Variants in BORCS5 observed in about 807,000 individuals in gnomAD.
BORCS5 encodes the protein BLOC-1 related complex subunit 5.
Under a neutral mutation model 22.1 loss-of-function variants are expected in BORCS5, and 17 were observed. The observed-to-expected ratio is 0.77, with a 90% confidence interval of 0.53 to 1.15. The LOEUF is 1.15. BORCS5 is among the 50% of genes most tolerant of loss of function. The pLI is 0.00. For missense variants in BORCS5, 247 were observed against 253.2 expected (o/e 0.98, Z 0.17); for synonymous variants, 117 against 99.8 (o/e 1.17, Z -1.03).
chr12:12,394,080 C>A (rs1941270529), intron 2 of BORCS5, among the ~76,000 whole-genome samples: 1 of 151,924 alleles, frequency 6.6e-6, no homozygotes, highest in Non-Finnish European at 1.5e-5. Context: ...AATTCCAGCA[C>A]TTTGGGAGGC....
Position 12,470,159 on chromosome 12 carries a change from C to T in BORCS5, c.*4383C>T, listed in dbSNP as rs1472979103. The stretch of plus-strand genomic sequence containing the variant: ...GATCTCGGCTCACTGCAACCTCCGC[C>T]TCCCGGGTTCAAGCAGTTATACTGT... On this transcript the variant is annotated 3_prime_UTR_variant, in exon 4 of 4. Transcript: ENST00000314565. Among the ~76,000 whole-genome samples the T allele has an allele frequency of 6.6e-6, 1 of 152,174 alleles. No homozygotes were observed. Among genetic ancestry groups the T allele is most frequent in the Non-Finnish European group, 1.5e-5 (1 of 68,034 alleles).
At position 12,465,847 on chromosome 12, in the gene BORCS5, A is replaced by T; in HGVS notation, c.*71A>T. ...CCTGAGGACGTGTGGAGCTAAGGTC[A>T]TATCATCTGACCAGGTCTGGAGGCT... is the stretch of plus-strand genomic sequence containing the variant. On this transcript the variant is annotated 3_prime_UTR_variant, in exon 4 of 4. Coordinates refer to ENST00000314565, the MANE Select transcript of BORCS5 (RefSeq NM_058169.6). 1 of 1,340,976 alleles carries T rather than the reference A, an allele frequency of 7.5e-7. No individual in the cohort carries two copies. Among genetic ancestry groups the T allele is most frequent in the East Asian group, 2.5e-5 (1 of 40,496 alleles). 83.1% of individuals were successfully genotyped at this position (1,340,976 alleles called of 1,614,324 possible). A position where few individuals can be genotyped will look rare whatever the true frequency, so the allele number is the denominator to read the frequency against.
intron 2 of BORCS5, among the ~76,000 whole-genome samples, chr12:12,413,108 C>CTTTTTTT (rs140916578): frequency 9.6e-5 from 2 of 20,740 alleles, no homozygotes; most frequent in Non-Finnish European, 2.1e-4. Context: ...GGTGATGACT[C>CTTTTTTT]TTTTTTTTTT....
chr12:12,367,091 G>C (rs1863422027), intron 2 of BORCS5, among the ~76,000 whole-genome samples: 1 of 152,218 alleles, frequency 6.6e-6, no homozygotes, highest in South Asian at 2.1e-4. Flanking sequence ...GCTTTTCATA[G>C]TGGAGCGAAA....
chr12:12,393,239 AAAT>A (rs997882216), intron 2 of BORCS5, among the ~76,000 whole-genome samples: 3 of 151,946 alleles, frequency 2.0e-5, no homozygotes, highest in African/African-American at 7.3e-5. Flanking sequence ...TATCTCCAAA[AAAT>A]AATAATAAGA....
chr12:12,415,557 G>GA (rs1941918762), intron 2 of BORCS5, among the ~76,000 whole-genome samples: 1 of 43,000 alleles, frequency 2.3e-5, no homozygotes. Context: ...ACCGTGGAGA[G>GA]AGGGGGAGGG....
At chr12:12,427,750 C>G (rs956499115) in intron 2 of BORCS5, among the ~76,000 whole-genome samples, 2 of 152,112 alleles carry the variant, frequency 1.3e-5, no homozygotes, top group African/African-American at 2.4e-5. Context: ...TTGCCTCTGC[C>G]GAGGACCTGC....
chr12:12,455,036 A>T (rs1190881206), intron 3 of BORCS5, among the ~76,000 whole-genome samples: 1 of 152,244 alleles, frequency 6.6e-6, no homozygotes, highest in Non-Finnish European at 1.5e-5. Flanking sequence ...CCCATCTTCA[A>T]ATAACAGATT....
chr12:12,420,606 A>G (rs1258623836), intron 2 of BORCS5, among the ~76,000 whole-genome samples: 1 of 152,156 alleles, frequency 6.6e-6, no homozygotes, highest in African/African-American at 2.4e-5. Flanking sequence ...CTTAATGGGG[A>G]TGGCATTGAA....
chr12:12,382,326 C>G (rs1863790827), intron 2 of BORCS5, among the ~76,000 whole-genome samples: 1 of 150,950 alleles, frequency 6.6e-6, no homozygotes, highest in African/African-American at 2.4e-5. Flanking sequence ...ACAACCAGTT[C>G]TCCCATAAAC....
intron 2 of BORCS5, among the ~76,000 whole-genome samples, chr12:12,376,024 C>T (rs1863642355): frequency 6.6e-6 from 1 of 152,092 alleles, no homozygotes; most frequent in South Asian, 2.1e-4. Context: ...AGGCTGGTCT[C>T]AAACTCCTGA....
At chr12:12,385,270 T>C (rs1249341343) in intron 2 of BORCS5, among the ~76,000 whole-genome samples, 1 of 151,422 alleles carries the variant, frequency 6.6e-6, no homozygotes, top group Non-Finnish European at 1.5e-5. Flanking sequence ...CTCGTGTTAG[T>C]ATAGCTTTTG....
At chr12:12,375,574 A>T (rs1362005292) in intron 2 of BORCS5, among the ~76,000 whole-genome samples, 1 of 152,204 alleles carries the variant, frequency 6.6e-6, no homozygotes, top group Non-Finnish European at 1.5e-5. Context: ...AGCTCCAGTC[A>T]TACCACGGCA....
At chr12:12,414,212 C>G (rs1397220758) in intron 2 of BORCS5, among the ~76,000 whole-genome samples, 1 of 87,012 alleles carries the variant, frequency 1.1e-5, no homozygotes, top group Admixed American at 9.9e-5. Context: ...GGGGGGCTGA[C>G]CCCCCCACCT....
At chr12:12,427,172 CTTTTTTTT>C (rs869191667) in intron 2 of BORCS5, among the ~76,000 whole-genome samples, 4 of 84,460 alleles carry the variant, frequency 4.7e-5, no homozygotes, top group Non-Finnish European at 6.3e-5. Flanking sequence ...TCTTTCTTTT[CTTTTTTTT>C]TTTTTTTTTT....
rs1863277742 is a variant in BORCS5 at position 12,361,239 on chromosome 12, T to C, written c.92T>C (p.Met31Thr). The C allele has an allele frequency of 1.9e-6, 3 of 1,614,058 alleles. No homozygotes were observed. Among genetic ancestry groups the C allele is most frequent in the South Asian group, 1.1e-5 (1 of 91,088 alleles). Reference protein sequence around the residue: ...TPSPAKHRAKMDDIVVVAQGS... With the variant: ...TPSPAKHRAKTDDIVVVAQGS... Reference sequence around the variant, plus strand: ...TCACCAGCCAAGCATAGAGCCAAGATGGATGATATTGTGGTTGTAGCTCAG... The same window carrying C: ...TCACCAGCCAAGCATAGAGCCAAGACGGATGATATTGTGGTTGTAGCTCAG... Residue 31 changes from methionine (M) to threonine (T), a missense_variant, in exon 2 of 4, where the codon ATG (methionine) becomes ACG (threonine). Coordinates refer to ENST00000314565, the MANE Select transcript of BORCS5 (RefSeq NM_058169.6).
chr12:12,385,189 C>G (rs1348169291), intron 2 of BORCS5, among the ~76,000 whole-genome samples: 1 of 151,486 alleles, frequency 6.6e-6, no homozygotes, highest in East Asian at 1.9e-4. Context: ...CTGGTTGCAC[C>G]CTTTCAGGTC....
chr12:12,448,762 A>G (rs545024819), intron 3 of BORCS5, among the ~76,000 whole-genome samples: 2 of 150,058 alleles, frequency 1.3e-5, no homozygotes, highest in Admixed American at 1.3e-4. Context: ...CTCCTGACCT[A>G]GTGATCCTCC....
At chr12:12,427,419 A>G (rs1156700958) in intron 2 of BORCS5, among the ~76,000 whole-genome samples, 2 of 151,978 alleles carry the variant, frequency 1.3e-5, no homozygotes, top group African/African-American at 4.8e-5. Context: ...TGACCTTGTG[A>G]TGGGCCCGCC....
Sources: allele counts gnomAD v4.1 joint callset (sites outside exome capture counted in the v4.1 genomes callset), GRCh38; gene constraint gnomAD v4.1.1; transcripts MANE v1.5; gene names NCBI Gene and HGNC (gene_info 2026-07-23, HGNC 2026-07-21).